Variants in SETBP1 observed in about 807,000 individuals in gnomAD.
The protein encoded by SETBP1 is SET-binding protein.
A neutral mutation model predicts 101.0 loss-of-function variants in SETBP1; 9 were observed. That is an observed-to-expected ratio of 0.09 (90% CI 0.05 to 0.16). The LOEUF (loss-of-function observed/expected upper bound fraction) is 0.16, where lower values mean the gene tolerates loss of function less well. Among genes scored for constraint, SETBP1 ranks in the 10% least tolerant of loss-of-function variants. The pLI is 1.00. For synonymous variants in SETBP1, 818 were observed against 788.5 expected, an observed-to-expected ratio of 1.04 and a Z score of -0.63; for missense variants, 1,858 against 2,033.8, an observed-to-expected ratio of 0.91 and a Z score of 1.66.
At chr18:44,855,142 T>G (rs1187688830) in intron 2 of SETBP1, among the ~76,000 whole-genome samples, 1 of 152,208 alleles carries the variant, frequency 6.6e-6, no homozygotes, top group African/African-American at 2.4e-5. Context: ...CTGCTTTTTC[T>G]TTCTGCTTTA....
intron 2 of SETBP1, among the ~76,000 whole-genome samples, chr18:44,753,052 A>G (rs186814468): frequency 2.4e-4 from 37 of 152,324 alleles, no homozygotes; most frequent in African/African-American, 7.7e-4. Flanking sequence ...GAAAGCTGGG[A>G]CAATTATGGT....
Position 44,868,383 on chromosome 18 carries a change from T to G in SETBP1, c.487-847T>G, listed in dbSNP as rs138178086. On this transcript the variant is annotated intron_variant, in intron 2 of 5. Coordinates refer to ENST00000649279, the MANE Select transcript of SETBP1 (RefSeq NM_015559.3). ...GTCATTTTTACTGAGCTGATTTTTT[T>G]TTTGTTTGTTTAAAAAAGAAAGAAA... 2.9e-3 allele frequency among the ~76,000 whole-genome samples: 440 copies of G among 152,222 alleles called. 5 individuals are homozygous for G. The highest frequency in any genetic ancestry group is 0.013 in the South Asian group (64 of 4,818).
chr18:44,813,633 A>G (rs532171842), intron 2 of SETBP1, among the ~76,000 whole-genome samples: 12 of 152,364 alleles, frequency 7.9e-5, no homozygotes, highest in African/African-American at 2.2e-4. Flanking sequence ...ATCATTAAAA[A>G]GGGAAACTTA....
chr18:44,733,091 G>A (rs928376458), intron 2 of SETBP1: 1 of 152,206 alleles, frequency 6.6e-6, no homozygotes, highest in Non-Finnish European at 1.5e-5. Flanking sequence ...CCTAGATGAG[G>A]GAAGGTGTAG....
chr18:44,986,941 A>G (rs1568011134), intron 4 of SETBP1: 1 of 17,532 alleles, frequency 5.7e-5, no homozygotes, highest in East Asian at 6.0e-4. Flanking sequence ...ATAGTATAGT[A>G]TTGTATTGTA....
At chr18:45,060,902 C>T (rs1240044036) in intron 5 of SETBP1, among the ~76,000 whole-genome samples, 4 of 152,154 alleles carry the variant, frequency 2.6e-5, no homozygotes, top group East Asian at 1.9e-4. Context: ...AAGCTTAACT[C>T]GGTCAAATAC....
chr18:44,806,345 C>T (rs991535548), intron 2 of SETBP1, among the ~76,000 whole-genome samples: 10 of 152,134 alleles, frequency 6.6e-5, no homozygotes, highest in Admixed American at 2.0e-4. Context: ...AAGACCTTGT[C>T]CCCTGCTAAT....
chr18:45,024,660 A>C (rs770789961), intron 4 of SETBP1, among the ~76,000 whole-genome samples: 9 of 152,240 alleles, frequency 5.9e-5, no homozygotes, highest in Non-Finnish European at 1.2e-4. Flanking sequence ...CAGGCTGTCC[A>C]TTAGCTCTGC....
chr18:44,944,701 T>C (rs1333970999), intron 3 of SETBP1, among the ~76,000 whole-genome samples: 1 of 152,166 alleles, frequency 6.6e-6, no homozygotes, highest in African/African-American at 2.4e-5. Flanking sequence ...AAATTTAAAT[T>C]ATTGATGTCA....
chr18:44,801,642 G>T (rs1055488027), intron 2 of SETBP1, among the ~76,000 whole-genome samples: 2 of 152,242 alleles, frequency 1.3e-5, no homozygotes, highest in African/African-American at 4.8e-5. Context: ...ACCATTCATG[G>T]TTGAATGACT....
At chr18:45,046,310 T>C (rs533401143) in intron 5 of SETBP1, among the ~76,000 whole-genome samples, 6 of 152,278 alleles carry the variant, frequency 3.9e-5, no homozygotes, top group Admixed American at 2.0e-4. Context: ...CTAATATTCA[T>C]TAGAGTTAAG....
intron 2 of SETBP1, among the ~76,000 whole-genome samples, chr18:44,790,939 T>C (rs2071359024): frequency 6.6e-6 from 1 of 152,186 alleles, no homozygotes; most frequent in Non-Finnish European, 1.5e-5. Flanking sequence ...TTTAAAAAAA[T>C]TATTAAAAAT....
intron 3 of SETBP1, among the ~76,000 whole-genome samples, chr18:44,911,290 G>A (rs2070303089): frequency 1.3e-5 from 2 of 152,198 alleles, no homozygotes; most frequent in Non-Finnish European, 2.9e-5. Context: ...ATAACTGAGA[G>A]AGAATTTATA....
At chr18:44,800,768 G>A (rs72907696) in intron 2 of SETBP1, among the ~76,000 whole-genome samples, 4 of 152,250 alleles carry the variant, frequency 2.6e-5, no homozygotes, top group Non-Finnish European at 2.9e-5. Flanking sequence ...CTTGTTGACC[G>A]GGAGAGAAAA....
chr18:45,012,219 G>T (rs1281063713), intron 4 of SETBP1, among the ~76,000 whole-genome samples: 2 of 152,340 alleles, frequency 1.3e-5, no homozygotes, highest in South Asian at 2.1e-4. Flanking sequence ...TGGCACACCA[G>T]GCAGGGCCAC....
intron 2 of SETBP1, among the ~76,000 whole-genome samples, chr18:44,788,978 T>C (rs1374964368): frequency 2.0e-5 from 3 of 151,854 alleles, no homozygotes; most frequent in Non-Finnish European, 4.4e-5. Flanking sequence ...AATTTTCTGA[T>C]TTTTTATAGA....
intron 4 of SETBP1, among the ~76,000 whole-genome samples, chr18:44,978,582 A>G (rs1039628951): frequency 5.3e-5 from 8 of 152,214 alleles, no homozygotes; most frequent in Non-Finnish European, 1.0e-4. Context: ...GATTAGCTCC[A>G]TTTAACAGAT....
intron 3 of SETBP1, among the ~76,000 whole-genome samples, chr18:44,947,432 A>G (rs1297423543): frequency 6.6e-6 from 1 of 152,074 alleles, no homozygotes; most frequent in Non-Finnish European, 1.5e-5. Flanking sequence ...GTGGGAAAAA[A>G]AGAAGGCCAC....
At position 44,744,161 on chromosome 18, in the gene SETBP1, G is replaced by A. The variant is rs184220707; in HGVS notation, c.486+42329G>A. Among the ~76,000 whole-genome samples the A allele has an allele frequency of 1.1e-4, 16 of 152,332 alleles. No individual in the cohort carries two copies. In the East Asian group the frequency reaches 2.5e-3, roughly 24 times the overall value. ...ATTTCTGACATCCAGGAAAAGCTGT[G>A]ACCCAGTGCAGCGTTGAGTCTCAGG... On this transcript the variant is annotated intron_variant, in intron 2 of 5. Transcript: ENST00000649279.
Sources: gnomAD v4.1 joint callset for allele counts (sites outside exome capture counted in the v4.1 genomes callset) on GRCh38, gnomAD v4.1.1 for gene constraint, MANE v1.5 for transcripts, NCBI Gene and HGNC (gene_info 2026-07-23, HGNC 2026-07-21) for gene names.